Variants in DOCK5 observed in about 807,000 individuals in gnomAD.
DOCK5 encodes the protein dedicator of cytokinesis 5, also known as dedicator of cytokinesis protein 5.
In DOCK5, 142 loss-of-function variants were observed where a neutral mutation model predicts 251.8. That is an observed-to-expected ratio of 0.56 (90% CI 0.49 to 0.65). The LOEUF is 0.65. DOCK5 is among the 30% of genes least tolerant of loss of function. DOCK5 has a pLI of 0.00. For missense variants in DOCK5, 2,111 were observed against 2,312.3 expected, an observed-to-expected ratio of 0.91 and a Z score of 1.79; for synonymous variants, 842 against 835.5, an observed-to-expected ratio of 1.01 and a Z score of -0.13.
At chr8:25,394,869 C>T (rs1397241362) in intron 44 of DOCK5, among the ~76,000 whole-genome samples, 1 of 151,750 alleles carries the variant, frequency 6.6e-6, no homozygotes, top group African/African-American at 2.4e-5. Context: ...TATAAGCTAG[C>T]AGTCCCCAAT....
At chr8:25,308,159 G>A (rs200404525) in intron 11 of DOCK5, among the ~76,000 whole-genome samples, 3 of 152,062 alleles carry the variant, frequency 2.0e-5, no homozygotes, top group East Asian at 3.9e-4. Flanking sequence ...GGCTGTATTT[G>A]GTTCTTTGAT....
chr8:25,236,682 G>A (rs1023122559), intron 1 of DOCK5, among the ~76,000 whole-genome samples: 8 of 152,110 alleles, frequency 5.3e-5, no homozygotes, highest in African/African-American at 1.9e-4. Flanking sequence ...CCAGGTTCAA[G>A]CGATTCTCCT....
chr8:25,263,633 C>T (rs1414849563), intron 2 of DOCK5, among the ~76,000 whole-genome samples: 2 of 151,662 alleles, frequency 1.3e-5, no homozygotes. Flanking sequence ...CGTTTTAGCT[C>T]AGCTATCCGA....
At chr8:25,371,328 C>T (rs1586370893) in intron 34 of DOCK5, among the ~76,000 whole-genome samples, 1 of 152,304 alleles carries the variant, frequency 6.6e-6, no homozygotes, top group East Asian at 1.9e-4. Context: ...CCAAGTGAGC[C>T]ACCGTGATGG....
intron 2 of DOCK5, among the ~76,000 whole-genome samples, chr8:25,265,129 T>C (rs1420554182): frequency 6.6e-6 from 1 of 151,576 alleles, no homozygotes; most frequent in East Asian, 1.9e-4. Context: ...AATACCTGTG[T>C]CTGGTAATTA....
At chr8:25,251,143 CT>C (rs2117561478) in intron 2 of DOCK5, among the ~76,000 whole-genome samples, 1 of 152,286 alleles carries the variant, frequency 6.6e-6, no homozygotes, top group East Asian at 1.9e-4. Context: ...CATCGATTAA[CT>C]CTTTTTCTGC....
intron 1 of DOCK5, among the ~76,000 whole-genome samples, chr8:25,199,813 TACCC>T (rs1390991180): frequency 1.3e-5 from 2 of 151,256 alleles, no homozygotes; most frequent in East Asian, 3.9e-4. Context: ...GGGCAATATC[TACCC>T]ACGTGGAACC....
At chr8:25,383,891 A>G (rs1053084041) in intron 40 of DOCK5, among the ~76,000 whole-genome samples, 12 of 152,182 alleles carry the variant, frequency 7.9e-5, no homozygotes, top group Admixed American at 6.5e-4. Context: ...ACCAAGAAAG[A>G]TACCCTGTGC....
chr8:25,332,184 T>C (rs1249441754), intron 18 of DOCK5, 67 bp from the exon 19 acceptor site: 4 of 1,216,808 alleles, frequency 3.3e-6, no homozygotes, highest in Admixed American at 3.7e-5. Flanking sequence ...GAGAATTCTT[T>C]AGCTATGTCC....
At chr8:25,256,808 C>G (rs1198985169) in intron 2 of DOCK5, among the ~76,000 whole-genome samples, 1 of 151,782 alleles carries the variant, frequency 6.6e-6, no homozygotes, top group African/African-American at 2.4e-5. Context: ...CTGCCAAGGC[C>G]CTGGTTACTC....
chr8:25,206,495 A>G (rs1802004434), intron 1 of DOCK5, among the ~76,000 whole-genome samples: 2 of 152,192 alleles, frequency 1.3e-5, no homozygotes, highest in South Asian at 2.1e-4. Context: ...TGAAAATGTA[A>G]CAGTTGGCCC....
Position 25,373,375 on chromosome 8 carries a change from C to A in DOCK5, c.3685-243C>A, listed in dbSNP as rs77158899. ...CCGAGCACTGTACCCAAAATGTAGT[C>A]TTTTATCCCTCACCCTCCTATAACC... On this transcript the variant is annotated intron_variant, in intron 35 of 51. Coordinates refer to ENST00000276440, the MANE Select transcript of DOCK5 (RefSeq NM_024940.8). 2.7e-3 allele frequency among the ~76,000 whole-genome samples: 416 copies of A among 152,246 alleles called. 2 individuals are homozygous for A. Among genetic ancestry groups the A allele is most frequent in the African/African-American group, 9.7e-3 (402 of 41,540 alleles).
At chr8:25,197,189 C>T (rs1004513523) in intron 1 of DOCK5, among the ~76,000 whole-genome samples, 1 of 152,136 alleles carries the variant, frequency 6.6e-6, no homozygotes, top group South Asian at 2.1e-4. Flanking sequence ...AGCATACCTC[C>T]GGAATAATGG....
rs759016364 is a variant in DOCK5 at position 25,243,732 on chromosome 8, A to G, written c.102A>G (p.Thr34=). ...DVELSLQIGD[T]VHILEMYEGW... ...AGCTCTCCTTGCAGATCGGTGACAC[A>G]GTTCACATCCTGGAGATGTACGAGG... Residue 34 remains threonine (T), a synonymous_variant, in exon 2 of 52, where the codon ACA becomes ACG. Transcript: ENST00000276440. 1.2e-6 allele frequency: 2 copies of G among 1,613,786 alleles called. No individual in the cohort carries two copies. Among genetic ancestry groups the G allele is most frequent in the Non-Finnish European group, 1.7e-6 (2 of 1,179,750 alleles).
chr8:25,368,129 A>T, intron 31 of DOCK5, 63 bp from the exon 32 acceptor site: 1 of 1,290,624 alleles, frequency 7.7e-7, no homozygotes, highest in Non-Finnish European at 1.1e-6. Context: ...TTTCCTTCTT[A>T]TTGTGTTTAT....
chr8:25,268,790 CTT>C (rs1803830855), intron 2 of DOCK5, 53 bp from the exon 3 acceptor site: 2 of 1,471,500 alleles, frequency 1.4e-6, no homozygotes, highest in East Asian at 2.5e-5. Flanking sequence ...TTGCTAATAA[CTT>C]TATGATATCC....
At chr8:25,200,472 G>C (rs929619450) in intron 1 of DOCK5, among the ~76,000 whole-genome samples, 3 of 152,188 alleles carry the variant, frequency 2.0e-5, no homozygotes, top group Admixed American at 2.0e-4. Flanking sequence ...TGTTGACAAA[G>C]GTGAGAGTGG....
intron 40 of DOCK5, among the ~76,000 whole-genome samples, chr8:25,387,625 T>C (rs535341007): frequency 1.3e-3 from 194 of 152,320 alleles, no homozygotes; most frequent in African/African-American, 4.2e-3. Flanking sequence ...GAACCTCCAG[T>C]GAACATTCCA....
At chr8:25,300,735 T>A in intron 9 of DOCK5, 78 bp downstream of exon 9, 1 of 1,395,526 alleles carries the variant, frequency 7.2e-7, no homozygotes, top group Non-Finnish European at 9.8e-7. Flanking sequence ...GTGGAAAACA[T>A]ACAAAATGAA....
Sources: allele counts gnomAD v4.1 joint callset (sites outside exome capture counted in the v4.1 genomes callset), GRCh38; gene constraint gnomAD v4.1.1; transcripts MANE v1.5; gene names NCBI Gene and HGNC (gene_info 2026-07-23, HGNC 2026-07-21).